The following SBF2 variants were observed in gnomAD, a reference collection of about 807,000 sequenced individuals.
The protein encoded by SBF2 is SET binding factor 2, also known as myotubularin-related protein 13.
A neutral mutation model predicts 225.2 loss-of-function variants in SBF2; 112 were observed. The ratio of observed to expected loss-of-function variants is 0.50; its 90% CI spans 0.43 to 0.58. The LOEUF is 0.58. SBF2 is among the 20% of genes least tolerant of loss of function. The pLI is 0.00. For synonymous variants in SBF2, 763 were observed against 773.3 expected (o/e 0.99, Z 0.22); for missense variants, 1,996 against 2,206.2 (o/e 0.90, Z 1.91).
chr11:10,040,291 G>A (rs1184946569), intron 3 of SBF2, among the ~76,000 whole-genome samples: 1 of 151,896 alleles, frequency 6.6e-6, no homozygotes, highest in East Asian at 1.9e-4. Context: ...CAGGCATTGT[G>A]GACTTCCGGA....
intron 1 of SBF2, among the ~76,000 whole-genome samples, chr11:10,265,517 T>A (rs2044141): frequency 1.8e-5 from 2 of 110,902 alleles, no homozygotes; most frequent in African/African-American, 3.5e-5. Context: ...GGTGGGGGGG[T>A]ATCAACACAG....
chr11:9,981,302 CA>C (rs2134433370), intron 13 of SBF2, among the ~76,000 whole-genome samples: 1 of 152,204 alleles, frequency 6.6e-6, no homozygotes, highest in African/African-American at 2.4e-5. Flanking sequence ...GACTACTAGA[CA>C]GGGGAGGAAA....
chr11:10,106,576 C>A (rs1414519844), intron 2 of SBF2, among the ~76,000 whole-genome samples: 3 of 148,204 alleles, frequency 2.0e-5, no homozygotes, highest in Admixed American at 1.4e-4. Context: ...TTGCAGTGAG[C>A]CAAAATCGCA....
At chr11:10,137,523 C>G (rs1954438145) in intron 2 of SBF2, among the ~76,000 whole-genome samples, 1 of 152,178 alleles carries the variant, frequency 6.6e-6, no homozygotes, top group Non-Finnish European at 1.5e-5. Context: ...ATAATGTTAC[C>G]TTCGGCTTTC....
chr11:10,169,660 C>T lies in SBF2; in HGVS notation c.141+24242G>A, dbSNP rs528688652. On this transcript the variant is annotated intron_variant, in intron 2 of 39. Coordinates refer to ENST00000256190, the MANE Select transcript of SBF2 (RefSeq NM_030962.4). ...AACATGGGAGTGCAGATTATCTCTTCGATAAACTGATTTCCTTTCTTTTGG... is the reference window on the plus strand; with the variant it reads ...AACATGGGAGTGCAGATTATCTCTTTGATAAACTGATTTCCTTTCTTTTGG... 3.9e-5 allele frequency among the ~76,000 whole-genome samples: 6 copies of T among 152,100 alleles called. No homozygotes were observed. In the East Asian group the frequency reaches 5.8e-4, roughly 15 times the overall value.
intron 17 of SBF2, among the ~76,000 whole-genome samples, chr11:9,880,915 T>C (rs1241164750): frequency 1.3e-5 from 2 of 152,202 alleles, no homozygotes; most frequent in African/African-American, 4.8e-5. Flanking sequence ...AATATGATTT[T>C]CAAATTTAAG....
At chr11:10,259,449 A>G (rs11042695) in intron 1 of SBF2, among the ~76,000 whole-genome samples, 1 of 152,216 alleles carries the variant, frequency 6.6e-6, no homozygotes, top group African/African-American at 2.4e-5. Context: ...CTCTCACTCA[A>G]CAGGAAAACC....
rs560563171 is a variant in SBF2, at chr11:10,188,903, T to C, written c.141+4999A>G. ...AAAATCCTTTTTATAGTTCTTAGTA[T>C]GTTTTAAAAGCCAGGTCTTCATACT... is the stretch of plus-strand genomic sequence containing the variant. On this transcript the variant is annotated intron_variant, in intron 2 of 39. Coordinates refer to ENST00000256190, the MANE Select transcript of SBF2 (RefSeq NM_030962.4). Among the ~76,000 whole-genome samples, 6 of 152,374 alleles carry C rather than the reference T, an allele frequency of 3.9e-5. No individual in the cohort carries two copies. The South Asian group carries it at 1.2e-3, about 32-fold the overall frequency.
In SBF2 at chr11:10,002,699, T is replaced by C. The variant is rs944941328; in HGVS notation, c.620-10A>G. ...AGGACATTTTGAATTCCTGAAAACA[T>C]AAGAGCAAGGACTTACAAATGCATT... On this transcript the variant is annotated splice_polypyrimidine_tract_variant and intron_variant, in intron 6 of 39. Transcript: ENST00000256190. 3.7e-6 allele frequency: 6 copies of C among 1,612,138 alleles called. No homozygotes were observed. The highest frequency in any genetic ancestry group is 1.3e-5 in the African/African-American group (1 of 74,996).
At chr11:10,066,819 G>C (rs1419573639) in intron 2 of SBF2, among the ~76,000 whole-genome samples, 1 of 152,158 alleles carries the variant, frequency 6.6e-6, no homozygotes, top group Non-Finnish European at 1.5e-5. Context: ...AAAATCTACA[G>C]AGAAAAATCT....
chr11:10,153,937 T>G (rs1955344301), intron 2 of SBF2, among the ~76,000 whole-genome samples: 1 of 152,126 alleles, frequency 6.6e-6, no homozygotes, highest in Non-Finnish European at 1.5e-5. Flanking sequence ...CTCCACTGAA[T>G]AATCTTTATA....
intron 17 of SBF2, among the ~76,000 whole-genome samples, chr11:9,895,487 A>G (rs966312536): frequency 2.6e-5 from 4 of 152,234 alleles, no homozygotes; most frequent in Non-Finnish European, 4.4e-5. Context: ...AACATTCCAG[A>G]AAGTTCTCAG....
At chr11:9,939,103 T>A (rs1318660517) in intron 16 of SBF2, among the ~76,000 whole-genome samples, 1 of 152,090 alleles carries the variant, frequency 6.6e-6, no homozygotes, top group Non-Finnish European at 1.5e-5. Flanking sequence ...TTATTTATTT[T>A]ATTTTACTTT....
intron 2 of SBF2, among the ~76,000 whole-genome samples, chr11:10,191,803 T>C (rs1213077374): frequency 6.6e-6 from 1 of 152,200 alleles, no homozygotes; most frequent in Non-Finnish European, 1.5e-5. Flanking sequence ...AATCAGTATG[T>C]TTCTCTCCCT....
At chr11:10,037,054 T>C (rs1033142569) in intron 3 of SBF2, among the ~76,000 whole-genome samples, 2 of 152,146 alleles carry the variant, frequency 1.3e-5, no homozygotes, top group African/African-American at 2.4e-5. Flanking sequence ...CAATTAATCA[T>C]AGTTAATCCA....
chr11:10,260,779 G>A (rs1172458452), intron 1 of SBF2, among the ~76,000 whole-genome samples: 2 of 151,752 alleles, frequency 1.3e-5, no homozygotes, highest in South Asian at 2.1e-4. Flanking sequence ...TACTCAGGAG[G>A]TTAAGACAGG....
intron 28 of SBF2, chr11:9,828,513 T>C (rs527811398): frequency 3.0e-6 from 3 of 985,476 alleles, no homozygotes; most frequent in African/African-American, 3.5e-5. Context: ...TCTGCTTATG[T>C]TGAGCTAATT....
chr11:9,810,331 A>G (rs1421439426), intron 30 of SBF2: 1 of 152,196 alleles, frequency 6.6e-6, no homozygotes, highest in African/African-American at 2.4e-5. Flanking sequence ...ACTAAATGAG[A>G]AAAAAACTTT....
chr11:9,998,446 C>T, intron 8 of SBF2, 67 bp from the exon 9 acceptor site: 1 of 870,062 alleles, frequency 1.1e-6, no homozygotes, highest in Non-Finnish European at 1.9e-6. Context: ...AATTATTTTT[C>T]CCTTGACTAA....
Sources: allele counts gnomAD v4.1 joint callset (sites outside exome capture counted in the v4.1 genomes callset), GRCh38; gene constraint gnomAD v4.1.1; transcripts MANE v1.5; gene names NCBI Gene and HGNC (gene_info 2026-07-23, HGNC 2026-07-21).